ANK2: variants seen among roughly 807,000 people sequenced by gnomAD.
ANK2 encodes ankyrin 2.
A neutral mutation model predicts 360.5 loss-of-function variants in ANK2; 83 were observed. The ratio of observed to expected loss-of-function variants is 0.23; its 90% CI spans 0.19 to 0.28. ANK2 has a LOEUF of 0.28. Ranked by LOEUF, ANK2 falls within the 10% of genes least tolerant of loss-of-function variation. The probability of loss-of-function intolerance (pLI) is 1.00; values close to 1 mark genes in which losing one functional copy is unlikely to be tolerated. For synonymous variants in ANK2, 1,740 were observed against 1,759.5 expected, an observed-to-expected ratio of 0.99 and a Z score of 0.28; for missense variants, 4,201 against 4,795.7, an observed-to-expected ratio of 0.88 and a Z score of 3.66.
intron 14 of ANK2, among the ~76,000 whole-genome samples, chr4:113,270,805 G>A (rs1289401444): frequency 2.0e-5 from 3 of 152,160 alleles, no homozygotes; most frequent in Non-Finnish European, 4.4e-5. Flanking sequence ...CTGATTTTGG[G>A]ATTATGTTTC....
chr4:112,825,496 A>C (rs777101720), intron 1 of ANK2, among the ~76,000 whole-genome samples: 1 of 152,216 alleles, frequency 6.6e-6, no homozygotes, highest in Non-Finnish European at 1.5e-5. Context: ...CTTTTCATCC[A>C]ACTAAACTGG....
At chr4:113,126,921 C>T (rs1285880672) in intron 1 of ANK2, among the ~76,000 whole-genome samples, 1 of 152,076 alleles carries the variant, frequency 6.6e-6, no homozygotes, top group Non-Finnish European at 1.5e-5. Flanking sequence ...AGACTAATTC[C>T]CATTAATCAC....
intron 2 of ANK2, among the ~76,000 whole-genome samples, chr4:112,953,949 C>T (rs1290107585): frequency 6.6e-6 from 1 of 151,766 alleles, no homozygotes; most frequent in African/African-American, 2.4e-5. Context: ...CTCCCCCCGC[C>T]CCCGTCTTTC....
chr4:112,760,847 C>T, the ANK2 span, among the ~76,000 whole-genome samples: 3 of 148,902 alleles, frequency 2.0e-5, no homozygotes, highest in African/African-American at 2.5e-5. Context: ...TGCTCTGTCA[C>T]CCAGGCTGGA....
chr4:112,833,941 C>T (rs2060430156), intron 1 of ANK2, among the ~76,000 whole-genome samples: 1 of 152,196 alleles, frequency 6.6e-6, no homozygotes, highest in Non-Finnish European at 1.5e-5. Flanking sequence ...CCATGTGTGC[C>T]TTCCGAGTAT....
At position 113,282,786 on chromosome 4, in the gene ANK2, C is replaced by T. The variant is rs758281393; in HGVS notation, c.1993C>T (p.Pro665Ser). The T allele has an allele frequency of 6.7e-5, 108 of 1,613,854 alleles. No individual in the cohort carries two copies. Among genetic ancestry groups the T allele is most frequent in the Non-Finnish European group, 8.7e-5 (103 of 1,179,954 alleles). Residue 665 changes from proline to serine, a missense_variant, in exon 18 of 46, where the codon CCA becomes TCA. Pro to Ser is a moderately conservative substitution (Grantham distance 74, BLOSUM62 -1). Around this residue, in one of 4 missense-constraint regions of ANK2, gnomAD observed 1,268 missense variants for 1,650.8 expected, o/e 0.77. Transcript: ENST00000357077. ...CATTGTGACAAAGCAAGGAGTAACT[C>T]CACTCCATCTGGCCTCGCAGGAGGG... ...TNIVTKQGVT[P>S]LHLASQEGHT... is the part of the protein sequence containing the mutation.
In ANK2 at chr4:113,077,876, A is replaced by C. The variant is rs1204182145; in HGVS notation, c.84+28064A>C. Among the ~76,000 whole-genome samples the C allele has an allele frequency of 2.6e-5, 4 of 152,226 alleles. No individual in the cohort carries two copies. The East Asian group carries it at 7.7e-4, about 29-fold the overall frequency. ...CCCAGTATCTTGAATGTATGCCTGC[A>C]TAAAAAGCAGACACCACCCAGGATG... is the stretch of plus-strand genomic sequence containing the variant. On this transcript the variant is annotated intron_variant, in intron 1 of 45. Transcript: ENST00000357077.
intron 2 of ANK2, among the ~76,000 whole-genome samples, chr4:113,021,481 G>A (rs1269115622): frequency 1.4e-5 from 2 of 142,530 alleles, no homozygotes; most frequent in African/African-American, 2.6e-5. Flanking sequence ...ATATAAGTAC[G>A]TATGTGTATG....
At chr4:112,793,706 C>CTT in the ANK2 span, among the ~76,000 whole-genome samples, 1,820 of 134,766 alleles carry the variant, frequency 0.014, 47 homozygotes, top group African/African-American at 0.044. Context: ...ATTTTCTTTT[C>CTT]TTTTTTTTTT....
intron 2 of ANK2, among the ~76,000 whole-genome samples, chr4:113,013,544 G>A (rs1406559701): frequency 1.3e-5 from 2 of 152,118 alleles, no homozygotes; most frequent in East Asian, 3.9e-4. Flanking sequence ...AAAACAGATA[G>A]TTAAAAATCT....
rs1034098143 is a variant in ANK2, at chr4:113,159,885, G to A, written c.85-14531G>A. Among the ~76,000 whole-genome samples, 5 of 152,012 alleles carry A rather than the reference G, an allele frequency of 3.3e-5. No individual in the cohort carries two copies. The East Asian group carries it at 9.7e-4, about 30-fold the overall frequency. On this transcript the variant is annotated intron_variant, in intron 1 of 45. Transcript: ENST00000357077. ...GATCTGCCTGCCTCGGCCTCCTAAA[G>A]TGCTGGAATTTCAGACGTGAGCCAC...
intron 1 of ANK2, among the ~76,000 whole-genome samples, chr4:113,112,460 C>A (rs17045600): frequency 0.47 from 70,843 of 151,912 alleles, 16,814 homozygotes; most frequent in Admixed American, 0.55. Context: ...TCTTTTGCTT[C>A]TGAACTGTGG....
chr4:112,869,693 T>C (rs2150234079), intron 1 of ANK2, among the ~76,000 whole-genome samples: 1 of 152,330 alleles, frequency 6.6e-6, no homozygotes, highest in Non-Finnish European at 1.5e-5. Context: ...ATTATTATTT[T>C]ATTATTTGAG....
intron 2 of ANK2, among the ~76,000 whole-genome samples, chr4:112,948,168 G>A (rs1276725219): frequency 6.6e-6 from 1 of 152,170 alleles, no homozygotes; most frequent in Non-Finnish European, 1.5e-5. Flanking sequence ...TCTCGCAGAG[G>A]ATCAGGTCTG....
At chr4:112,883,396 T>G (rs114133158) in intron 1 of ANK2, among the ~76,000 whole-genome samples, 2,256 of 152,238 alleles carry the variant, frequency 0.015, 52 homozygotes, top group African/African-American at 0.052. Flanking sequence ...GTTATGATCA[T>G]GTGTGCTGCT....
intron 1 of ANK2, among the ~76,000 whole-genome samples, chr4:112,895,582 A>G (rs1489242095): frequency 6.6e-6 from 1 of 152,100 alleles, no homozygotes; most frequent in East Asian, 1.9e-4. Context: ...CACTGAGGCC[A>G]CAATTTTGCT....
chr4:112,954,227 C>CT (rs1221334358), intron 2 of ANK2, among the ~76,000 whole-genome samples: 5 of 145,988 alleles, frequency 3.4e-5, no homozygotes, highest in African/African-American at 1.0e-4. Context: ...CCCTCCCTCC[C>CT]TCCCTTCCTT....
chr4:112,982,114 C>T (rs1040069203), intron 2 of ANK2, among the ~76,000 whole-genome samples: 2 of 151,994 alleles, frequency 1.3e-5, no homozygotes, highest in African/African-American at 2.4e-5. Context: ...TCAGTGTGTT[C>T]TGCGAAAAAT....
Position 113,355,305 on chromosome 4 carries a change from A to G in ANK2, c.6687A>G (p.Glu2229=). ...GGACCCCTCAGATTAGTTCAGAAGA[A>G]AGCTATAAGCATGAAGGCCTAGCAG... ...MEGTPQISSE[E]SYKHEGLAET... is the part of the protein sequence containing the mutation. The change falls in exon 38 of 46, where the codon GAA becomes GAG. Residue 2229 remains glutamate (E), a synonymous_variant. Coordinates refer to ENST00000357077, the MANE Select transcript of ANK2 (RefSeq NM_001148.6). 1 of 1,614,028 alleles carries G rather than the reference A, an allele frequency of 6.2e-7. No individual in the cohort carries two copies. The highest frequency in any genetic ancestry group is 8.5e-7 in the Non-Finnish European group (1 of 1,179,954).
Sources: allele counts gnomAD v4.1 joint callset (sites outside exome capture counted in the v4.1 genomes callset), GRCh38; gene constraint gnomAD v4.1.1; regional missense constraint gnomAD v4.1.1; transcripts MANE v1.5; gene names NCBI Gene and HGNC (gene_info 2026-07-23, HGNC 2026-07-21).